Variants in SPECC1L observed in about 807,000 individuals in gnomAD.
SPECC1L encodes the protein cytospin-A.
SPECC1L carries 40 observed loss-of-function variants against 116.8 expected under a neutral mutation model. The observed-to-expected ratio is 0.34, with a 90% CI of 0.27 to 0.45. The LOEUF is 0.45. Among genes scored for constraint, SPECC1L ranks in the 20% least tolerant of loss-of-function variants. SPECC1L has a pLI of 1.00. For synonymous variants in SPECC1L, 504 were observed against 500.6 expected, an observed-to-expected ratio of 1.01 and a Z score of -0.09; for missense variants, 1,110 against 1,373.6, an observed-to-expected ratio of 0.81 and a Z score of 3.03.
intron 6 of SPECC1L, among the ~76,000 whole-genome samples, chr22:24,325,542 T>G (rs765220062): frequency 4.6e-5 from 2 of 43,084 alleles, no homozygotes; most frequent in East Asian, 1.1e-3. Context: ...TAAATGGATT[T>G]ATTTATTTAT....
intron 11 of SPECC1L, among the ~76,000 whole-genome samples, chr22:24,355,164 T>C (rs2041504274): frequency 6.7e-6 from 1 of 150,166 alleles, no homozygotes; most frequent in African/African-American, 2.5e-5. Context: ...GCACCTGTAG[T>C]CCCAGGTACT....
intron 13 of SPECC1L, among the ~76,000 whole-genome samples, chr22:24,368,301 T>C (rs2041811270): frequency 6.6e-6 from 1 of 152,208 alleles, no homozygotes; most frequent in Non-Finnish European, 1.5e-5. Flanking sequence ...CACCTTCAAT[T>C]GCCTACTGCC....
chr22:24,361,043 C>G (rs1328353429), intron 11 of SPECC1L, among the ~76,000 whole-genome samples: 2 of 152,192 alleles, frequency 1.3e-5, no homozygotes, highest in African/African-American at 4.8e-5. Context: ...GCTCATCCTT[C>G]CACTCCCCTA....
chr22:24,347,967 C>A (rs920481163), intron 11 of SPECC1L, among the ~76,000 whole-genome samples: 4 of 152,230 alleles, frequency 2.6e-5, no homozygotes, highest in Admixed American at 2.6e-4. Context: ...CAAGCTACCG[C>A]ACCTGGCCTT....
intron 2 of SPECC1L, among the ~76,000 whole-genome samples, chr22:24,277,722 G>A (rs2048863241): frequency 6.6e-6 from 1 of 152,154 alleles, no homozygotes; most frequent in Non-Finnish European, 1.5e-5. Context: ...TTTCTTATAT[G>A]CTGAATGATA....
At position 24,335,206 on chromosome 22, in the gene SPECC1L, A is replaced by G. The variant is rs1189645826; in HGVS notation, c.2560+633A>G. Among the ~76,000 whole-genome samples the G allele has an allele frequency of 2.6e-5, 4 of 152,348 alleles. No homozygotes were observed. In the East Asian group the frequency reaches 7.7e-4, roughly 29 times the overall value. On this transcript the variant is annotated intron_variant, in intron 9 of 16. Coordinates refer to ENST00000314328, the MANE Select transcript of SPECC1L (RefSeq NM_015330.6). The stretch of plus-strand genomic sequence containing the variant: ...CTCTAGCGGCACAAGCTTTAGTTCA[A>G]GCCACCATCAACCACTAATTTCAGT...
At position 24,411,591 on chromosome 22, in the gene SPECC1L, A is replaced by G; in HGVS notation, c.3091A>G (p.Ile1031Val). 6.2e-7 allele frequency: 1 copy of G among 1,613,888 alleles called. No individual in the cohort carries two copies. Among genetic ancestry groups the G allele is most frequent in the Non-Finnish European group, 8.5e-7 (1 of 1,179,762 alleles). ...TGTTTTTCTTCCTTTCCTTCAGAAT[A>G]TTGACATTACAAACTTCAGCAGCAG... The part of the protein sequence containing the change: ...CQKKTEGYQN[I>V]DITNFSSSWN... The change falls in exon 15 of 17, where the codon ATT (isoleucine) becomes GTT (valine). Residue 1031 changes from isoleucine to valine, a missense_variant. Around this residue, in one of 4 missense-constraint regions of SPECC1L, gnomAD observed 76 missense variants for 148.5 expected, o/e 0.51. Transcript: ENST00000314328.
At chr22:24,323,263 G>A (rs2040756202) in intron 5 of SPECC1L, among the ~76,000 whole-genome samples, 2 of 152,118 alleles carry the variant, frequency 1.3e-5, no homozygotes, top group South Asian at 4.2e-4. Context: ...AATCTGTTTT[G>A]GTGTAATAGG....
intron 2 of SPECC1L, among the ~76,000 whole-genome samples, chr22:24,282,459 C>A (rs2048961872): frequency 2.0e-5 from 3 of 152,190 alleles, no homozygotes; most frequent in Admixed American, 1.3e-4. Context: ...AAGATGGAGT[C>A]AGTTAAGTTA....
At chr22:24,302,467 C>G (rs1022048283) in intron 3 of SPECC1L, 83 bp downstream of exon 3, 1 of 1,555,504 alleles carries the variant, frequency 6.4e-7, no homozygotes, top group Non-Finnish European at 8.9e-7. Flanking sequence ...AATGAGCATT[C>G]TTAGGGGTGT....
At chr22:24,312,936 ATTAT>A (rs1327382197) in intron 3 of SPECC1L, among the ~76,000 whole-genome samples, 1 of 152,212 alleles carries the variant, frequency 6.6e-6, no homozygotes, top group Non-Finnish European at 1.5e-5. Flanking sequence ...AGCAGTGAAG[ATTAT>A]TTGACTCTCA....
chr22:24,293,730 CAG>C (rs1219041158), intron 2 of SPECC1L, among the ~76,000 whole-genome samples: 6 of 135,664 alleles, frequency 4.4e-5, no homozygotes, highest in African/African-American at 1.1e-4. Context: ...CCAGTGGACA[CAG>C]GGTACTGAAA....
At chr22:24,411,194 A>G (rs1368768874) in intron 14 of SPECC1L, among the ~76,000 whole-genome samples, 2 of 147,162 alleles carry the variant, frequency 1.4e-5, no homozygotes, top group Non-Finnish European at 3.0e-5. Context: ...TCTCAAACAA[A>G]CAAACCAAAA....
intron 14 of SPECC1L, among the ~76,000 whole-genome samples, chr22:24,379,698 A>G (rs1403539344): frequency 2.0e-5 from 3 of 152,116 alleles, no homozygotes; most frequent in Non-Finnish European, 2.9e-5. Context: ...CTCATTTCCT[A>G]TCGACACTTC....
At chr22:24,375,552 C>T (rs1035206059) in intron 14 of SPECC1L, among the ~76,000 whole-genome samples, 1 of 152,160 alleles carries the variant, frequency 6.6e-6, no homozygotes, top group African/African-American at 2.4e-5. Context: ...ACCGCATGAT[C>T]ATCTCACTAG....
chr22:24,326,733 A>G (rs771141131), intron 6 of SPECC1L, among the ~76,000 whole-genome samples: 12 of 152,186 alleles, frequency 7.9e-5, no homozygotes, highest in Non-Finnish European at 1.5e-4. Flanking sequence ...TTATCAAATT[A>G]AAGAGTAAAT....
Position 24,321,339 on chromosome 22 carries a change from G to A in SPECC1L, c.359G>A (p.Ser120Asn). 2 of 1,614,218 alleles carry A rather than the reference G, an allele frequency of 1.2e-6. No individual in the cohort carries two copies. The highest frequency in any genetic ancestry group is 2.2e-5 in the East Asian group (1 of 44,886). Residue 120 changes from serine (S) to asparagine (N), a missense_variant, in exon 5 of 17, where the codon AGT (serine) becomes AAT (asparagine). This residue lies in a region of SPECC1L where 437 missense variants were observed against 482.6 expected (regional missense o/e 0.91). Coordinates refer to ENST00000314328, the MANE Select transcript of SPECC1L (RefSeq NM_015330.6). Reference sequence around the variant, plus strand: ...ACTTCTACAGGTAATAAAGAATCCAGTTCTACTAGAGAAAGATTACGTGAA... The same window carrying A: ...ACTTCTACAGGTAATAAAGAATCCAATTCTACTAGAGAAAGATTACGTGAA... The part of the protein sequence containing the change: ...RSTSTGNKES[S>N]STRERLRERT...
intron 14 of SPECC1L, among the ~76,000 whole-genome samples, chr22:24,381,870 C>A (rs1178579186): frequency 1.3e-5 from 2 of 152,054 alleles, no homozygotes; most frequent in Non-Finnish European, 2.9e-5. Context: ...GGCGACAGAG[C>A]GAGACTCTGT....
Position 24,415,106 on chromosome 22 carries a change from C to T in SPECC1L, c.*483C>T, listed in dbSNP as rs192993112. 16 of 213,358 alleles carry T rather than the reference C, an allele frequency of 7.5e-5. No homozygotes were observed. In the East Asian group the frequency reaches 1.7e-3, roughly 23 times the overall value. The allele number at this position is 213,358 out of a possible 1,614,324, so 13.2% of individuals were successfully genotyped here. A position where few individuals can be genotyped will look rare whatever the true frequency, so the allele number is the denominator to read the frequency against. On this transcript the variant is annotated 3_prime_UTR_variant, in exon 17 of 17. Transcript: ENST00000314328. ...GTCAGCGCCTGGCAGTTCCCAGCGCCCTGGGCCCTTCACCGTCCTAGTTTG... is the reference window on the plus strand; with the variant it reads ...GTCAGCGCCTGGCAGTTCCCAGCGCTCTGGGCCCTTCACCGTCCTAGTTTG...
Sources: gnomAD v4.1 joint callset for allele counts (sites outside exome capture counted in the v4.1 genomes callset) on GRCh38, gnomAD v4.1.1 for gene constraint, gnomAD v4.1.1 regional missense constraint, MANE v1.5 for transcripts, NCBI Gene and HGNC (gene_info 2026-07-23, HGNC 2026-07-21) for gene names.